Variants in SMARCC1 observed in about 807,000 individuals in gnomAD.
The protein encoded by SMARCC1 is SWI/SNF complex subunit SMARCC1.
A neutral mutation model predicts 147.4 loss-of-function variants in SMARCC1; 43 were observed. The ratio of observed to expected loss-of-function variants is 0.29; its 90% CI spans 0.23 to 0.38. SMARCC1 has a LOEUF of 0.38. Ranked by LOEUF, SMARCC1 falls within the 10% of genes least tolerant of loss-of-function variation. The pLI is 1.00. For missense variants in SMARCC1, 1,119 were observed against 1,381.1 expected (o/e 0.81, Z 3.01); for synonymous variants, 495 against 484.4 (o/e 1.02, Z -0.29).
intron 2 of SMARCC1, among the ~76,000 whole-genome samples, chr3:47,761,625 C>T (rs983484215): frequency 1.3e-5 from 2 of 152,076 alleles, no homozygotes; most frequent in African/African-American, 2.4e-5. Context: ...ATTTCTTTCA[C>T]GTAAGTCCAT....
At chr3:47,649,208 C>T (rs1290210736) in intron 21 of SMARCC1, among the ~76,000 whole-genome samples, 1 of 152,216 alleles carries the variant, frequency 6.6e-6, no homozygotes, top group Non-Finnish European at 1.5e-5. Context: ...ATTTTTCTTA[C>T]ATGCATTGGC....
intron 8 of SMARCC1, among the ~76,000 whole-genome samples, chr3:47,713,053 T>C (rs2034109059): frequency 6.6e-6 from 1 of 152,134 alleles, no homozygotes; most frequent in African/African-American, 2.4e-5. Context: ...CCAGGCGCAA[T>C]GGCTCACACC....
intron 2 of SMARCC1, among the ~76,000 whole-genome samples, chr3:47,749,798 G>A (rs1251050814): frequency 2.7e-5 from 4 of 150,796 alleles, no homozygotes; most frequent in African/African-American, 9.7e-5. Context: ...GGAGGGGGCA[G>A]GCAAATAAAA....
chr3:47,667,747 C>T (rs1456566778), intron 19 of SMARCC1, among the ~76,000 whole-genome samples: 1 of 151,956 alleles, frequency 6.6e-6, no homozygotes, highest in Non-Finnish European at 1.5e-5. Context: ...CATGGTGGCG[C>T]GTGCCTGTAG....
chr3:47,683,578 C>T (rs1233357669), intron 14 of SMARCC1, among the ~76,000 whole-genome samples: 2 of 151,976 alleles, frequency 1.3e-5, no homozygotes, highest in African/African-American at 4.8e-5. Flanking sequence ...ATTGGCCGGA[C>T]GCAGTGGCTC....
intron 14 of SMARCC1, among the ~76,000 whole-genome samples, chr3:47,681,484 T>C (rs1461124320): frequency 6.6e-6 from 1 of 152,156 alleles, no homozygotes; most frequent in African/African-American, 2.4e-5. Context: ...TGATCAGGCC[T>C]AACAGTAAAA....
intron 21 of SMARCC1, among the ~76,000 whole-genome samples, chr3:47,653,404 T>C (rs932444597): frequency 1.3e-5 from 2 of 152,254 alleles, no homozygotes; most frequent in African/African-American, 4.8e-5. Context: ...GATTTTACCA[T>C]AGTTAATACC....
At chr3:47,599,889 A>C (rs1169354500) in intron 26 of SMARCC1, among the ~76,000 whole-genome samples, 1 of 152,202 alleles carries the variant, frequency 6.6e-6, no homozygotes, top group African/African-American at 2.4e-5. Flanking sequence ...AGTGATGTCT[A>C]CCTATCATGC....
At chr3:47,641,828 A>G (rs1008268469) in intron 21 of SMARCC1, among the ~76,000 whole-genome samples, 1 of 152,214 alleles carries the variant, frequency 6.6e-6, no homozygotes, top group Non-Finnish European at 1.5e-5. Flanking sequence ...GTTGAAGTGC[A>G]GTGGCGAGAC....
intron 25 of SMARCC1, 91 bp from the exon 26 acceptor site, chr3:47,610,418 C>T: frequency 7.3e-7 from 1 of 1,363,784 alleles, no homozygotes; most frequent in Non-Finnish European, 1.0e-6. Context: ...GCCTGAATTA[C>T]CTCTATCCCA....
chr3:47,752,285 A>C (rs1298647615), intron 2 of SMARCC1, among the ~76,000 whole-genome samples: 1 of 152,202 alleles, frequency 6.6e-6, no homozygotes, highest in Non-Finnish European at 1.5e-5. Flanking sequence ...AAGTCAGGTA[A>C]TGGAAAGCTG....
intron 12 of SMARCC1, among the ~76,000 whole-genome samples, chr3:47,692,233 C>T (rs1207253335): frequency 6.6e-6 from 1 of 152,100 alleles, no homozygotes; most frequent in Non-Finnish European, 1.5e-5. Context: ...TAAAACTACC[C>T]CTATTTAATG....
chr3:47,600,362 C>G (rs1395125766), intron 26 of SMARCC1, among the ~76,000 whole-genome samples: 1 of 152,060 alleles, frequency 6.6e-6, no homozygotes, highest in Non-Finnish European at 1.5e-5. Context: ...CACTGGTGTA[C>G]CTGGGGCAGT....
intron 7 of SMARCC1, among the ~76,000 whole-genome samples, chr3:47,714,789 A>C (rs1489448081): frequency 2.6e-5 from 4 of 152,112 alleles, no homozygotes; most frequent in Non-Finnish European, 5.9e-5. Context: ...GTGATACCCT[A>C]TCTCGAAACA....
intron 25 of SMARCC1, 77 bp from the exon 26 acceptor site, chr3:47,610,404 T>TA: frequency 6.7e-7 from 1 of 1,493,970 alleles, no homozygotes; most frequent in South Asian, 1.2e-5. Flanking sequence ...GACAACTACA[T>TA]AATGCCTGAA....
Position 47,596,392 on chromosome 3 carries a change from A to AC in SMARCC1, c.3044-5556dup, listed in dbSNP as rs548229667. 4.6e-5 allele frequency among the ~76,000 whole-genome samples: 7 copies of AC among 151,612 alleles called. No homozygotes were observed. The East Asian group carries it at 1.4e-3, about 30-fold the overall frequency. ...AGACCAGCCCGGCCAAGATGGTGAA[A>AC]CCCCATCTCTACTAAAAATACAAAA... On this transcript the variant is annotated intron_variant, in intron 26 of 27. Coordinates refer to ENST00000254480, the MANE Select transcript of SMARCC1 (RefSeq NM_003074.4).
At chr3:47,643,840 T>G (rs556572056) in intron 21 of SMARCC1, among the ~76,000 whole-genome samples, 1 of 152,088 alleles carries the variant, frequency 6.6e-6, no homozygotes, top group Non-Finnish European at 1.5e-5. Flanking sequence ...CACACTATAA[T>G]ACAATAATGA....
chr3:47,749,691 A>ACAC (rs71070223), intron 2 of SMARCC1, among the ~76,000 whole-genome samples: 5 of 149,850 alleles, frequency 3.3e-5, no homozygotes, highest in East Asian at 2.0e-4. Flanking sequence ...ACACACACAC[A>ACAC]AAGTGAGACC....
chr3:47,641,298 G>A (rs2033044740), intron 21 of SMARCC1, among the ~76,000 whole-genome samples: 1 of 152,100 alleles, frequency 6.6e-6, no homozygotes, highest in South Asian at 2.1e-4. Context: ...ACCAGCCTGG[G>A]CAACACTGTG....
Sources: allele counts gnomAD v4.1 joint callset (sites outside exome capture counted in the v4.1 genomes callset), GRCh38; gene constraint gnomAD v4.1.1; transcripts MANE v1.5; gene names NCBI Gene and HGNC (gene_info 2026-07-23, HGNC 2026-07-21).